Variants in DYNC1H1 observed in about 807,000 individuals in gnomAD.
DYNC1H1 encodes the protein dynein cytoplasmic 1 heavy chain 1, also known as cytoplasmic dynein 1 heavy chain 1.
Under a neutral mutation model 527.1 loss-of-function variants are expected in DYNC1H1, and 51 were observed. That is an observed-to-expected ratio of 0.10 (90% CI 0.08 to 0.12). The LOEUF (loss-of-function observed/expected upper bound fraction) is 0.12. DYNC1H1 is among the 10% of genes least tolerant of loss of function. The pLI, the probability that DYNC1H1 is intolerant of heterozygous loss-of-function variation, is 1.00. For missense variants in DYNC1H1, 2,771 were observed against 5,971.8 expected (o/e 0.46, Z 17.66); for synonymous variants, 2,189 against 2,278.8 (o/e 0.96, Z 1.12).
At position 101,965,702 on chromosome 14, in the gene DYNC1H1, CAG is replaced by C. The variant is rs374909002; in HGVS notation, c.256+756_256+757del. ...CTAATCTTAGTCCTGAGACTAGACT[CAG>C]TGTCTCAGCTCCCCATCCACTGCTT... On this transcript the variant is annotated intron_variant, in intron 1 of 77. Transcript: ENST00000360184. This position sits in a 1 kb window ranked among gnomAD's most constrained non-coding sequence, Gnocchi z 4.1. Among the ~76,000 whole-genome samples, 360 of 152,054 alleles carry C rather than the reference CAG, an allele frequency of 2.4e-3. 2 individuals carry two copies. Among genetic ancestry groups the C allele is most frequent in the African/African-American group, 7.9e-3 (327 of 41,484 alleles).
rs554497564 is a variant in DYNC1H1 at position 101,964,874 on chromosome 14, C to T, written c.183C>T (p.Ala61=). 3.3e-5 allele frequency: 53 copies of T among 1,598,332 alleles called. No homozygotes were observed. The highest frequency in any genetic ancestry group is 4.0e-5 in the Non-Finnish European group (47 of 1,173,542). The part of the protein sequence containing the change: ...ALEAALEEKS[A]LEQMRKFLSD... ...AGGCGGCGCTGGAGGAGAAGAGCGC[C>T]CTGGAGCAGATGCGCAAGTTCCTTT... Residue 61 remains alanine, a synonymous_variant, in exon 1 of 78, where the codon GCC becomes GCT. Coordinates refer to ENST00000360184, the MANE Select transcript of DYNC1H1 (RefSeq NM_001376.5). The surrounding 1 kb of genome is among the most constrained non-coding windows in gnomAD (Gnocchi z 5.5).
At position 101,985,920 on chromosome 14, in the gene DYNC1H1, C is replaced by T. The variant is rs748689506; in HGVS notation, c.1695C>T (p.Thr565=). The T allele has an allele frequency of 7.4e-6, 12 of 1,614,100 alleles. No homozygotes were observed. The African/African-American group carries it at 9.3e-5, about 13-fold the overall frequency. ...TCGACAGAGTGGAGACCCGGATCAC[C>T]GCTCGCCTTCGGGATCAGCTTGGCA... ...ERIDRVETRI[T]ARLRDQLGTA... Residue 565 remains threonine, a synonymous_variant, in exon 8 of 78, where the codon ACC becomes ACT. Coordinates refer to ENST00000360184, the MANE Select transcript of DYNC1H1 (RefSeq NM_001376.5). The surrounding 1 kb of genome is among the most constrained non-coding windows in gnomAD (Gnocchi z 5.9).
At chr14:101,969,991 C>T (rs930897576) in intron 1 of DYNC1H1, among the ~76,000 whole-genome samples, 7 of 152,080 alleles carry the variant, frequency 4.6e-5, no homozygotes, top group African/African-American at 1.7e-4. Context: ...GGTTCTGAAA[C>T]CTAAAAACTC....
In DYNC1H1 at chr14:102,051,658, ACCCGTGGAAACAGGCTT is replaced by A. The variant is rs2048813808; in HGVS notation, c.*1097_*1113del. 6.6e-6 allele frequency: 1 copy of A among 152,342 alleles called. No homozygotes were observed. Among genetic ancestry groups the A allele is most frequent in the Non-Finnish European group, 1.5e-5 (1 of 68,214 alleles). The allele number at this position is 152,342 out of a possible 1,614,324, so 9.4% of individuals were successfully genotyped here. A position where few individuals can be genotyped will look rare whatever the true frequency, so the allele number is the denominator to read the frequency against. On this transcript the variant is annotated 3_prime_UTR_variant, in exon 78 of 78. Transcript: ENST00000360184. The stretch of plus-strand genomic sequence containing the variant: ...TTGCTAGAGGTGATGGGTGTGCTAC[ACCCGTGGAAACAGGCTT>A]CTGGCATCTCAGTGTCTTTATTTTA...
At position 102,005,573 on chromosome 14, in the gene DYNC1H1, C is replaced by T. The variant is rs1484350938; in HGVS notation, c.5434-315C>T. On this transcript the variant is annotated intron_variant, in intron 26 of 77. Coordinates refer to ENST00000360184, the MANE Select transcript of DYNC1H1 (RefSeq NM_001376.5). The surrounding 1 kb of genome is among the most constrained non-coding windows in gnomAD (Gnocchi z 4.0). Reference sequence around the variant, plus strand: ...GCTTGCTGCGAGCCCCATGGCGGCACGTGGCAGACTCCTAGGATAGACGTC... The same window carrying T: ...GCTTGCTGCGAGCCCCATGGCGGCATGTGGCAGACTCCTAGGATAGACGTC... Among the ~76,000 whole-genome samples, 2 of 152,194 alleles carry T rather than the reference C, an allele frequency of 1.3e-5. No individual in the cohort carries two copies. Among genetic ancestry groups the T allele is most frequent in the Admixed American group, 6.5e-5 (1 of 15,278 alleles).
Position 102,049,461 on chromosome 14 carries a change from C to G in DYNC1H1, c.13394C>G (p.Ser4465Cys). The G allele has an allele frequency of 6.2e-7, 1 of 1,614,146 alleles. No individual in the cohort carries two copies. Among genetic ancestry groups the G allele is most frequent in the East Asian group, 2.2e-5 (1 of 44,882 alleles). The change falls in exon 75 of 78, where the codon TCC (serine) becomes TGC (cysteine). Residue 4465 changes from serine to cysteine, a missense_variant. By Grantham distance (112) the Ser-to-Cys change is moderately radical. Transcript: ENST00000360184. The surrounding 1 kb of genome is among the most constrained non-coding windows in gnomAD (Gnocchi z 5.5). ...GCAGGGATCTTGCCTCGGAGCTGGT[C>G]CCACTACACGGTGCCTGCCGGCATG... ...LVKGILPRSW[S>C]HYTVPAGMTV...
At position 102,033,403 on chromosome 14, in the gene DYNC1H1, C is replaced by T. The variant is rs145087182; in HGVS notation, c.10332C>T (p.Ile3444=). 5.4e-5 allele frequency: 87 copies of T among 1,614,112 alleles called. No homozygotes were observed. In the Middle Eastern group the frequency reaches 6.6e-4, roughly 12 times the overall value. The change falls in exon 54 of 78, where the codon ATC becomes ATT. Residue 3444 remains isoleucine, a synonymous_variant. Coordinates refer to ENST00000360184, the MANE Select transcript of DYNC1H1 (RefSeq NM_001376.5). The surrounding 1 kb of genome is among the most constrained non-coding windows in gnomAD (Gnocchi z 5.6). ...EQMIRDLEAS[I]ARYKEEYAVL... ...TGATCCGAGACCTGGAAGCCAGCAT[C>T]GCCCGCTACAAGGAGGAATACGCCG...
rs1363164489 is a variant in DYNC1H1 at position 102,001,064 on chromosome 14, G to A, written c.4185G>A (p.Lys1395=). 1 of 1,614,008 alleles carries A rather than the reference G, an allele frequency of 6.2e-7. No individual in the cohort carries two copies. Among genetic ancestry groups the A allele is most frequent in the Non-Finnish European group, 8.5e-7 (1 of 1,180,026 alleles). The change falls in exon 19 of 78, where the codon AAG becomes AAA. Residue 1395 remains lysine, a splice_region_variant and synonymous_variant. Transcript: ENST00000360184. This position sits in a 1 kb window ranked among gnomAD's most constrained non-coding sequence, Gnocchi z 5.0. ...AGAGGCTTCTGAAAGGTTACATGAA[G>A]GTAGGTGGCCAGTATCGCACGGTGA... ...FVQRLLKGYM[K]INMLVIELKS...
rs529476444 is a variant in DYNC1H1, at chr14:102,023,014, G to C, written c.8637+134G>C. The C allele has an allele frequency of 9.9e-6, 14 of 1,417,328 alleles. No individual in the cohort carries two copies. The South Asian group carries it at 1.7e-4, about 17-fold the overall frequency. 87.8% of individuals were successfully genotyped at this position (1,417,328 alleles called of 1,614,324 possible). Reference sequence around the variant, plus strand: ...ATGGTGTCTCACACCTGTAATCCCAGCACTTTGGGAGGCTGAGGCAGGAGG... The same window carrying C: ...ATGGTGTCTCACACCTGTAATCCCACCACTTTGGGAGGCTGAGGCAGGAGG... On this transcript the variant is annotated intron_variant, in intron 43 of 77. Coordinates refer to ENST00000360184, the MANE Select transcript of DYNC1H1 (RefSeq NM_001376.5).
At chr14:102,047,633 G>GTATATATA (rs2048739958) in intron 72 of DYNC1H1, 184 bp from the exon 73 acceptor site, 2 of 398,066 alleles carry the variant, frequency 5.0e-6, no homozygotes. Flanking sequence ...GTGTGTGTGT[G>GTATATATA]TGTGTGTGTA....
At chr14:101,987,680 C>T (rs570550157) in intron 9 of DYNC1H1, 48 bp downstream of exon 9, 52 of 1,601,412 alleles carry the variant, frequency 3.2e-5, no homozygotes, top group South Asian at 2.5e-4. Context: ...CTTCTGCTGA[C>T]CCTCCAGTAA....
At chr14:101,973,199 A>AT (rs59446522) in intron 1 of DYNC1H1, among the ~76,000 whole-genome samples, 27,807 of 141,296 alleles carry the variant, frequency 0.2, 3,203 homozygotes, top group African/African-American at 0.32. Context: ...AGATACACTA[A>AT]TTTTTTTTTT....
Position 101,991,622 on chromosome 14 carries a change from C to T in DYNC1H1, c.2964C>T (p.Ala988=), listed in dbSNP as rs192263501. Residue 988 remains alanine, a synonymous_variant, in exon 11 of 78, where the codon GCC becomes GCT. Coordinates refer to ENST00000360184, the MANE Select transcript of DYNC1H1 (RefSeq NM_001376.5). ...CRYKLYQEMF[A]WKMVVLSLPR... Reference sequence around the variant, plus strand: ...ACAAGCTGTATCAGGAAATGTTTGCCTGGAAGATGGTTGTACTGTCTCTCC... The same window carrying T: ...ACAAGCTGTATCAGGAAATGTTTGCTTGGAAGATGGTTGTACTGTCTCTCC... 3 of 1,614,152 alleles carry T rather than the reference C, an allele frequency of 1.9e-6. No homozygotes were observed. The East Asian group carries it at 6.7e-5, about 36-fold the overall frequency.
In DYNC1H1 at chr14:102,036,789, C is replaced by T; in HGVS notation, c.10908+147C>T. 1 of 1,108,978 alleles carries T rather than the reference C, an allele frequency of 9.0e-7. No homozygotes were observed. Among genetic ancestry groups the T allele is most frequent in the Non-Finnish European group, 1.3e-6 (1 of 743,064 alleles). The allele number at this position is 1,108,978 out of a possible 1,614,324, so 68.7% of individuals were successfully genotyped here. A position where few individuals can be genotyped will look rare whatever the true frequency, so the allele number is the denominator to read the frequency against. On this transcript the variant is annotated intron_variant, in intron 57 of 77. Coordinates refer to ENST00000360184, the MANE Select transcript of DYNC1H1 (RefSeq NM_001376.5). This position sits in a 1 kb window ranked among gnomAD's most constrained non-coding sequence, Gnocchi z 5.6. ...GTGGTTCTGTAATAGATAAATTCAA[C>T]AGAATCATTATTTGCATTTAAAATT...
Position 102,005,873 on chromosome 14 carries a change from ACT to A in DYNC1H1, c.5434-10_5434-9del, listed in dbSNP as rs1289360730. The A allele has an allele frequency of 1.9e-6, 3 of 1,613,534 alleles. No individual in the cohort carries two copies. Among genetic ancestry groups the A allele is most frequent in the Non-Finnish European group, 2.5e-6 (3 of 1,179,916 alleles). Reference sequence around the variant, plus strand: ...TTAGTGTAGATGAACTTTTAAAGTGACTCTCTTTCTTCAGATTACAGAGTTGG... The same window carrying A: ...TTAGTGTAGATGAACTTTTAAAGTGACTCTTTCTTCAGATTACAGAGTTGG... On this transcript the variant is annotated splice_polypyrimidine_tract_variant and intron_variant, in intron 26 of 77. Coordinates refer to ENST00000360184, the MANE Select transcript of DYNC1H1 (RefSeq NM_001376.5). The surrounding 1 kb of genome is among the most constrained non-coding windows in gnomAD (Gnocchi z 4.0).
Position 102,029,461 on chromosome 14 carries a change from G to A in DYNC1H1, c.9469-78G>A, listed in dbSNP as rs1481346548. 2 of 1,600,964 alleles carry A rather than the reference G, an allele frequency of 1.2e-6. No individual in the cohort carries two copies. Among genetic ancestry groups the A allele is most frequent in the Non-Finnish European group, 1.7e-6 (2 of 1,172,736 alleles). On this transcript the variant is annotated intron_variant, in intron 48 of 77. Transcript: ENST00000360184. The surrounding 1 kb of genome is among the most constrained non-coding windows in gnomAD (Gnocchi z 5.3). ...TCCTTCTATCATGTCACACCCATCT[G>A]CCAAGGCCAAAATTGTTTTCTGAGG...
In DYNC1H1 at chr14:102,026,430, T is replaced by A. The variant is rs1051643420; in HGVS notation, c.8638-144T>A. On this transcript the variant is annotated intron_variant, in intron 43 of 77. Transcript: ENST00000360184. The stretch of plus-strand genomic sequence containing the variant: ...TTTTTAGATCCATTCCTAGTGAATT[T>A]ATATTTTTTTGCTATGTTATAAATG... The A allele has an allele frequency of 1.1e-4, 97 of 903,782 alleles. No individual in the cohort carries two copies. The Admixed American group carries it at 1.7e-3, about 16-fold the overall frequency. The allele number at this position is 903,782 out of a possible 1,614,324, so 56.0% of individuals were successfully genotyped here.
At position 102,004,518 on chromosome 14, in the gene DYNC1H1, G is replaced by A. The variant is rs1273328322; in HGVS notation, c.4884G>A (p.Arg1628=). 3.1e-6 allele frequency: 5 copies of A among 1,610,880 alleles called. No individual in the cohort carries two copies. In the African/African-American group the frequency reaches 6.7e-5, roughly 22 times the overall value. ...AACTTGAGTGTTATTTTAATTTTAG[G>A]TTCTATTTTGTGGGTGATGAAGATT... ...YLERERSSFP[R]FYFVGDEDLL... Residue 1628 remains arginine, a splice_region_variant and synonymous_variant, in exon 24 of 78, where the codon AGG becomes AGA. Coordinates refer to ENST00000360184, the MANE Select transcript of DYNC1H1 (RefSeq NM_001376.5).
chr14:101,998,737 C>T (rs916136112), intron 16 of DYNC1H1, among the ~76,000 whole-genome samples: 4 of 152,128 alleles, frequency 2.6e-5, no homozygotes, highest in Non-Finnish European at 4.4e-5. Flanking sequence ...TTTGCCAGTG[C>T]TGCTGTTACT....
Sources: gnomAD v4.1 joint callset for allele counts (sites outside exome capture counted in the v4.1 genomes callset) on GRCh38, gnomAD v4.1.1 for gene constraint, Gnocchi (gnomAD v3.1) non-coding constraint, MANE v1.5 for transcripts, NCBI Gene and HGNC (gene_info 2026-07-23, HGNC 2026-07-21) for gene names.